Variants in MAF observed in about 807,000 individuals in gnomAD.
MAF encodes the protein transcription factor Maf.
Under a neutral mutation model 22.0 loss-of-function variants are expected in MAF, and 10 were observed. The ratio of observed to expected loss-of-function variants is 0.45; its 90% CI spans 0.28 to 0.77. MAF has a LOEUF of 0.77. Among genes scored for constraint, MAF ranks in the 30% least tolerant of loss-of-function variants. The pLI is 0.12. For synonymous variants in MAF, 337 were observed against 255.8 expected (o/e 1.32, Z -3.03); for missense variants, 544 against 548.4 (o/e 0.99, Z 0.08).
chr16:79,440,674 G>C, the MAF span, among the ~76,000 whole-genome samples: 1 of 152,216 alleles, frequency 6.6e-6, no homozygotes, highest in Non-Finnish European at 1.5e-5. Context: ...GCCTCCCAAA[G>C]TGCTGGGATT....
At chr16:79,316,730 G>A in the MAF span, among the ~76,000 whole-genome samples, 1 of 152,030 alleles carries the variant, frequency 6.6e-6, no homozygotes, top group Non-Finnish European at 1.5e-5. Flanking sequence ...TATTCAGTTG[G>A]CCTTACAGAG....
At chr16:79,598,159 A>AT in intron 1 of MAF, 1 of 1,051,106 alleles carries the variant, frequency 9.5e-7, no homozygotes, top group African/African-American at 1.7e-5. Context: ...AGAAAAAAAA[A>AT]CTTTGCTTTT....
chr16:79,579,267 G>C, the MAF span, among the ~76,000 whole-genome samples: 1 of 152,194 alleles, frequency 6.6e-6, no homozygotes, highest in Non-Finnish European at 1.5e-5. Context: ...TAAAGAAAAT[G>C]TGCTTATATC....
chr16:79,215,311 G>A, the MAF span, among the ~76,000 whole-genome samples: 5 of 152,086 alleles, frequency 3.3e-5, no homozygotes, highest in Non-Finnish European at 5.9e-5. Flanking sequence ...GGAACTCCTG[G>A]CCTTAAGCAA....
the MAF span, among the ~76,000 whole-genome samples, chr16:79,219,444 C>G: frequency 6.6e-4 from 99 of 150,482 alleles, no homozygotes; most frequent in Non-Finnish European, 1.2e-3. Flanking sequence ...CCAGCTACTC[C>G]GGAGGCTGAG....
chr16:79,468,880 C>T, the MAF span, among the ~76,000 whole-genome samples: 1 of 152,106 alleles, frequency 6.6e-6, no homozygotes, highest in Non-Finnish European at 1.5e-5. Flanking sequence ...CTAATGGCGA[C>T]CTCTTGTACT....
At chr16:79,472,715 T>C in the MAF span, among the ~76,000 whole-genome samples, 1,054 of 152,252 alleles carry the variant, frequency 6.9e-3, 4 homozygotes, top group Non-Finnish European at 0.012. Flanking sequence ...TGTACAACTC[T>C]ATACATATAC....
the MAF span, among the ~76,000 whole-genome samples, chr16:79,491,331 T>G: frequency 6.6e-6 from 1 of 152,102 alleles, no homozygotes; most frequent in Admixed American, 6.6e-5. Context: ...TAACCAGAAC[T>G]TAGATGTGGA....
chr16:79,500,474 C>T, the MAF span, among the ~76,000 whole-genome samples: 1 of 152,078 alleles, frequency 6.6e-6, no homozygotes, highest in Non-Finnish European at 1.5e-5. Context: ...TGTGTCATAC[C>T]CCAGTAGTTG....
chr16:79,598,257 G>A lies in MAF; in HGVS notation c.1118+528C>T, dbSNP rs535268599. Reference sequence around the variant, plus strand: ...GTGGGCAACACAGCAAGCTCTAAAAGTAAAATTAAAAAAAAAAATCCAAAC... The same window carrying A: ...GTGGGCAACACAGCAAGCTCTAAAAATAAAATTAAAAAAAAAAATCCAAAC... On this transcript the variant is annotated intron_variant, in intron 1 of 1. Transcript: ENST00000326043. 65 of 1,050,522 alleles carry A rather than the reference G, an allele frequency of 6.2e-5. No homozygotes were observed. The Admixed American group carries it at 2.6e-3, about 43-fold the overall frequency. The allele number at this position is 1,050,522 out of a possible 1,614,324, so 65.1% of individuals were successfully genotyped here.
the MAF span, among the ~76,000 whole-genome samples, chr16:79,486,196 G>C: frequency 6.6e-6 from 1 of 152,168 alleles, no homozygotes; most frequent in African/African-American, 2.4e-5. Flanking sequence ...TTGATTGTTA[G>C]AGGCAGAAAT....
chr16:79,206,468 A>G, the MAF span: 1 of 152,214 alleles, frequency 6.6e-6, no homozygotes, highest in Non-Finnish European at 1.5e-5. Flanking sequence ...AAATGGAAAT[A>G]CTAACTGTCC....
At chr16:79,205,878 C>T in the MAF span, 3 of 152,060 alleles carry the variant, frequency 2.0e-5, no homozygotes, top group Non-Finnish European at 2.9e-5. Context: ...CACCTACATG[C>T]GTGGGAACTG....
the MAF span, among the ~76,000 whole-genome samples, chr16:79,557,976 T>C: frequency 6.6e-6 from 1 of 151,464 alleles, no homozygotes; most frequent in Non-Finnish European, 1.5e-5. Flanking sequence ...GGGCAGTGAA[T>C]GTCTGAGGCA....
chr16:79,454,648 G>T, the MAF span, among the ~76,000 whole-genome samples: 7 of 152,270 alleles, frequency 4.6e-5, no homozygotes, highest in East Asian at 1.4e-3. Context: ...ATAAATTTAA[G>T]ATTGGCCAGA....
At chr16:79,438,957 A>C in the MAF span, among the ~76,000 whole-genome samples, 16,555 of 152,052 alleles carry the variant, frequency 0.11, 1,077 homozygotes, top group African/African-American at 0.17. Context: ...GAGACATCCT[A>C]AGATTAACAA....
At chr16:79,214,356 T>G in the MAF span, among the ~76,000 whole-genome samples, 2 of 152,168 alleles carry the variant, frequency 1.3e-5, no homozygotes, top group Non-Finnish European at 2.9e-5. Context: ...TCTGGGTGAC[T>G]AGGCTTTATG....
chr16:79,254,400 T>G, the MAF span, among the ~76,000 whole-genome samples: 1 of 152,198 alleles, frequency 6.6e-6, no homozygotes, highest in Non-Finnish European at 1.5e-5. Context: ...AGGATCCTCT[T>G]ACATTTTATT....
At chr16:79,274,597 G>C in the MAF span, among the ~76,000 whole-genome samples, 7 of 152,140 alleles carry the variant, frequency 4.6e-5, no homozygotes, top group Non-Finnish European at 1.0e-4. Flanking sequence ...TGTATAGCCC[G>C]GCAGTTAGTG....
Sources: gnomAD v4.1 joint callset for allele counts (sites outside exome capture counted in the v4.1 genomes callset) on GRCh38, gnomAD v4.1.1 for gene constraint, MANE v1.5 for transcripts, NCBI Gene and HGNC (gene_info 2026-07-23, HGNC 2026-07-21) for gene names.